PPP3CA: variants seen among roughly 807,000 people sequenced by gnomAD.
PPP3CA encodes the protein protein phosphatase 3 catalytic subunit alpha, also known as CAM-PRP catalytic subunit.
A neutral mutation model predicts 66.5 loss-of-function variants in PPP3CA; 14 were observed. That is an observed-to-expected ratio of 0.21 (90% CI 0.14 to 0.33). PPP3CA has a LOEUF of 0.33. Among genes scored for constraint, PPP3CA ranks in the 10% least tolerant of loss-of-function variants. PPP3CA has a pLI of 1.00. For synonymous variants in PPP3CA, 232 were observed against 226.2 expected, an observed-to-expected ratio of 1.03 and a Z score of -0.23; for missense variants, 317 against 639.5, an observed-to-expected ratio of 0.50 and a Z score of 5.44.
chr4:101,248,179 T>A (rs1432629150), intron 1 of PPP3CA, among the ~76,000 whole-genome samples: 1 of 152,198 alleles, frequency 6.6e-6, no homozygotes, highest in Non-Finnish European at 1.5e-5. Flanking sequence ...CTTCGTTCCT[T>A]CCGTCTCTAA....
chr4:101,245,134 G>T (rs531538166), intron 1 of PPP3CA, among the ~76,000 whole-genome samples: 5 of 152,024 alleles, frequency 3.3e-5, no homozygotes, highest in African/African-American at 1.2e-4. Context: ...AAGATAAAAA[G>T]AAAGCAATCT....
intron 2 of PPP3CA, among the ~76,000 whole-genome samples, chr4:101,124,726 AGAAAGAAAGAAAGAAAG>A (rs1722168565): frequency 2.2e-5 from 1 of 45,648 alleles, no homozygotes; most frequent in Non-Finnish European, 4.6e-5. Context: ...AGAAAGAAAG[AGAAAGAAAGAAAGAAAG>A]AAAGAAAGAA....
At chr4:101,254,343 TCTG>T (rs1726772737) in intron 1 of PPP3CA, among the ~76,000 whole-genome samples, 1 of 152,020 alleles carries the variant, frequency 6.6e-6, no homozygotes, top group Non-Finnish European at 1.5e-5. Flanking sequence ...ATGGAAATAT[TCTG>T]CTAGTTATAG....
chr4:101,332,072 G>T (rs982677312), intron 1 of PPP3CA, among the ~76,000 whole-genome samples: 2 of 152,206 alleles, frequency 1.3e-5, no homozygotes, highest in African/African-American at 4.8e-5. Context: ...GTATTTAAAA[G>T]ACTTGAACTG....
intron 1 of PPP3CA, among the ~76,000 whole-genome samples, chr4:101,312,304 G>T (rs755957598): frequency 6.6e-6 from 1 of 151,512 alleles, no homozygotes; most frequent in East Asian, 1.9e-4. Context: ...ACATTACATC[G>T]CAATAAAATC....
chr4:101,069,912 CTGTT>C (rs1309979178), intron 8 of PPP3CA, among the ~76,000 whole-genome samples: 1 of 151,924 alleles, frequency 6.6e-6, no homozygotes, highest in Non-Finnish European at 1.5e-5. Flanking sequence ...TGTTAATTGA[CTGTT>C]TATGTTATCA....
intron 1 of PPP3CA, among the ~76,000 whole-genome samples, chr4:101,327,128 G>A (rs907541943): frequency 5.3e-5 from 8 of 152,304 alleles, no homozygotes; most frequent in Non-Finnish European, 1.0e-4. Flanking sequence ...CAGCATAAGA[G>A]TGAAAGGGAA....
chr4:101,111,838 A>G (rs144018956), intron 2 of PPP3CA, among the ~76,000 whole-genome samples: 195 of 152,326 alleles, frequency 1.3e-3, no homozygotes, highest in Admixed American at 2.7e-3. Flanking sequence ...TAAGAATTTA[A>G]CAGATGCTGT....
chr4:101,151,652 CTTTTTTTT>C (rs369745312), intron 2 of PPP3CA, among the ~76,000 whole-genome samples: 3 of 84,812 alleles, frequency 3.5e-5, no homozygotes, highest in African/African-American at 9.7e-5. Context: ...CCAAGGTTTC[CTTTTTTTT>C]TTTTTTTTTT....
intron 6 of PPP3CA, among the ~76,000 whole-genome samples, chr4:101,091,857 ATAATAAT>A (rs946198064): frequency 6.8e-5 from 10 of 146,288 alleles, no homozygotes; most frequent in African/African-American, 1.3e-4. Context: ...AATAATAATA[ATAATAAT>A]GAAGAAGAGG....
Position 101,025,858 on chromosome 4 carries a change from G to T in PPP3CA, c.*7C>A, listed in dbSNP as rs114065681. On this transcript the variant is annotated 3_prime_UTR_variant, in exon 14 of 14. Transcript: ENST00000394854. ...AAAAAAAAAAAAAAAAAGTGAACAG[G>T]AAGTGGTCACTGAATATTGCTGCTA... is the stretch of plus-strand genomic sequence containing the variant. The T allele has an allele frequency of 0.011, 12,175 of 1,058,810 alleles. 121 individuals carry two copies. Among genetic ancestry groups the T allele is most frequent in the Non-Finnish European group, 0.012 (8,835 of 743,240 alleles). 65.6% of individuals were successfully genotyped at this position (1,058,810 alleles called of 1,614,324 possible). A position where few individuals can be genotyped will look rare whatever the true frequency, so the allele number is the denominator to read the frequency against.
chr4:101,076,881 T>C (rs1318200236), intron 8 of PPP3CA, among the ~76,000 whole-genome samples: 1 of 152,240 alleles, frequency 6.6e-6, no homozygotes, highest in Non-Finnish European at 1.5e-5. Flanking sequence ...AGCGATTTCA[T>C]GCAGTATTCA....
intron 9 of PPP3CA, among the ~76,000 whole-genome samples, chr4:101,061,838 C>T (rs1003159915): frequency 3.3e-5 from 5 of 152,038 alleles, no homozygotes; most frequent in African/African-American, 1.2e-4. Context: ...ATACTATAAA[C>T]CATGCTATTT....
chr4:101,082,892 A>G (rs532213378), intron 7 of PPP3CA, among the ~76,000 whole-genome samples: 9 of 152,314 alleles, frequency 5.9e-5, no homozygotes, highest in African/African-American at 2.2e-4. Flanking sequence ...GTGTAAATGC[A>G]ACAATTGAGA....
chr4:101,027,318 C>G (rs760152798), intron 13 of PPP3CA, among the ~76,000 whole-genome samples: 1 of 151,076 alleles, frequency 6.6e-6, no homozygotes, highest in African/African-American at 2.4e-5. Flanking sequence ...CACTCCTACA[C>G]AAATGTGCAG....
intron 1 of PPP3CA, among the ~76,000 whole-genome samples, chr4:101,296,954 A>G (rs975295329): frequency 1.3e-5 from 2 of 152,230 alleles, no homozygotes; most frequent in Non-Finnish European, 2.9e-5. Flanking sequence ...ATACATTGAA[A>G]TAACATGTAT....
At chr4:101,201,419 A>G (rs1451451972) in intron 1 of PPP3CA, among the ~76,000 whole-genome samples, 1 of 152,228 alleles carries the variant, frequency 6.6e-6, no homozygotes, top group Non-Finnish European at 1.5e-5. Flanking sequence ...TAACTGGTTT[A>G]GGGTAGGGCC....
chr4:101,109,109 T>C lies in PPP3CA; in HGVS notation c.260-31A>G, dbSNP rs549271989. 10 of 1,603,016 alleles carry C rather than the reference T, an allele frequency of 6.2e-6. No individual in the cohort carries two copies. In the African/African-American group the frequency reaches 8.0e-5, roughly 13 times the overall value. The stretch of plus-strand genomic sequence containing the variant: ...AGAAACAAAATTCATTTTATGGTCA[T>C]ATTATGTTAGGACTTTGAATTAAAT... On this transcript the variant is annotated intron_variant, in intron 2 of 13. Transcript: ENST00000394854.
At chr4:101,109,501 A>C (rs1434407873) in intron 2 of PPP3CA, among the ~76,000 whole-genome samples, 1 of 151,928 alleles carries the variant, frequency 6.6e-6, no homozygotes, top group African/African-American at 2.4e-5. Flanking sequence ...AATTTGGCAT[A>C]ATCTATGTAC....
Sources: gnomAD v4.1 joint callset for allele counts (sites outside exome capture counted in the v4.1 genomes callset) on GRCh38, gnomAD v4.1.1 for gene constraint, MANE v1.5 for transcripts, NCBI Gene and HGNC (gene_info 2026-07-23, HGNC 2026-07-21) for gene names.